The following PCNX1 variants were observed in gnomAD, a reference collection of about 807,000 sequenced individuals.
PCNX1 encodes the protein pecanex-like protein 1.
PCNX1 carries 78 observed loss-of-function variants against 242.2 expected under a neutral mutation model. That is an observed-to-expected ratio of 0.32 (90% confidence interval 0.27 to 0.39). The LOEUF (loss-of-function observed/expected upper bound fraction) is 0.39, where lower values mean the gene tolerates loss of function less well. Among genes scored for constraint, PCNX1 ranks in the 10% least tolerant of loss-of-function variants. The pLI is 1.00. For missense variants in PCNX1, 2,581 were observed against 2,856.5 expected, an observed-to-expected ratio of 0.90 and a Z score of 2.20; for synonymous variants, 1,024 against 1,032.9, an observed-to-expected ratio of 0.99 and a Z score of 0.17.
At chr14:70,949,283 A>ACACACGTGTATACACACACGTGCGTG (rs1566608605) in intron 2 of PCNX1, among the ~76,000 whole-genome samples, 9 of 28,506 alleles carry the variant, frequency 3.2e-4, no homozygotes, top group African/African-American at 8.9e-4. Flanking sequence ...ACACGTGTAT[A>ACACACGTGTATACACACACGTGCGTG]CACACACGTG....
chr14:70,996,436 G>A (rs906181338), intron 8 of PCNX1, among the ~76,000 whole-genome samples: 2 of 151,988 alleles, frequency 1.3e-5, no homozygotes, highest in African/African-American at 2.4e-5. Context: ...TCATGGCTCC[G>A]TACTAATGTC....
intron 30 of PCNX1, among the ~76,000 whole-genome samples, chr14:71,091,041 TTTATA>T (rs1294571576): frequency 1.3e-5 from 2 of 152,180 alleles, no homozygotes; most frequent in African/African-American, 4.8e-5. Context: ...ACTGACAACA[TTTATA>T]AACAGGGAGG....
intron 18 of PCNX1, among the ~76,000 whole-genome samples, chr14:71,034,280 A>C (rs904611419): frequency 1.3e-5 from 2 of 152,136 alleles, no homozygotes; most frequent in African/African-American, 4.8e-5. Context: ...GGTCAGGTGA[A>C]ATTAAGTCAT....
chr14:70,961,924 G>A (rs769777614), intron 2 of PCNX1, among the ~76,000 whole-genome samples: 5 of 152,132 alleles, frequency 3.3e-5, no homozygotes, highest in African/African-American at 9.7e-5. Flanking sequence ...GGCACGTATC[G>A]TAACATATTT....
chr14:71,085,987 A>C (rs893442280), intron 28 of PCNX1, among the ~76,000 whole-genome samples: 14 of 152,116 alleles, frequency 9.2e-5, no homozygotes, highest in Non-Finnish European at 1.8e-4. Flanking sequence ...CAGCTCCCTG[A>C]CGCCCTGTTC....
At chr14:71,080,937 G>A (rs2061838792) in intron 28 of PCNX1, among the ~76,000 whole-genome samples, 1 of 152,144 alleles carries the variant, frequency 6.6e-6, no homozygotes, top group Non-Finnish European at 1.5e-5. Context: ...GGGCATCCTT[G>A]TCTTGTGCCG....
At chr14:71,105,165 G>T (rs899381643) in intron 32 of PCNX1, 70 bp from the exon 33 acceptor site, 1 of 1,191,166 alleles carries the variant, frequency 8.4e-7, no homozygotes, top group East Asian at 2.4e-5. Flanking sequence ...AGAATAGCTG[G>T]AAAAAGAATA....
At chr14:70,955,951 T>C (rs930203552) in intron 2 of PCNX1, among the ~76,000 whole-genome samples, 1 of 152,148 alleles carries the variant, frequency 6.6e-6, no homozygotes, top group Non-Finnish European at 1.5e-5. Flanking sequence ...CATTGTTGTT[T>C]GTTGACCATT....
At chr14:70,958,274 T>A (rs2058066971) in intron 2 of PCNX1, among the ~76,000 whole-genome samples, 1 of 152,210 alleles carries the variant, frequency 6.6e-6, no homozygotes, top group African/African-American at 2.4e-5. Flanking sequence ...GCTACTGTAG[T>A]CAATGGCTTA....
chr14:71,057,769 G>A (rs376254840), intron 26 of PCNX1, 45 bp downstream of exon 26: 23 of 1,283,826 alleles, frequency 1.8e-5, no homozygotes, highest in Non-Finnish European at 2.4e-5. Flanking sequence ...TACTCCTGTG[G>A]CACCTTAGTT....
chr14:71,099,346 G>C (rs1269235419), intron 30 of PCNX1, among the ~76,000 whole-genome samples: 1 of 152,054 alleles, frequency 6.6e-6, no homozygotes, highest in African/African-American at 2.4e-5. Flanking sequence ...TTTTAGTAGA[G>C]ACGGGGTTTC....
At chr14:70,997,312 T>TA (rs2059382197) in intron 8 of PCNX1, among the ~76,000 whole-genome samples, 1 of 152,188 alleles carries the variant, frequency 6.6e-6, no homozygotes, top group African/African-American at 2.4e-5. Context: ...TCATTGGCTT[T>TA]ATAGTAGTAG....
At position 70,978,444 on chromosome 14, in the gene PCNX1, G is replaced by A. The variant is rs1177530996; in HGVS notation, c.2107G>A (p.Asp703Asn). Residue 703 changes from aspartate to asparagine, a missense_variant, in exon 6 of 36, where the codon GAC (aspartate) becomes AAC (asparagine). Asp to Asn is a conservative substitution (Grantham distance 23). Around this residue, in one of 9 missense-constraint regions of PCNX1, gnomAD observed 1,204 missense variants for 1,216.7 expected, o/e 0.99. Coordinates refer to ENST00000304743, the MANE Select transcript of PCNX1 (RefSeq NM_014982.3). ...CAGTGGCACAGTAGCATGTTTGAAT[G>A]ACTCAAACAGGTTAATGGCACCTGA... ...LDSGTVACLN[D>N]SNRLMAPESI... is the part of the protein sequence containing the mutation. The A allele has an allele frequency of 2.5e-6, 4 of 1,613,876 alleles. No individual in the cohort carries two copies. Among genetic ancestry groups the A allele is most frequent in the Non-Finnish European group, 3.4e-6 (4 of 1,179,744 alleles).
chr14:70,954,763 T>A (rs1159328654), intron 2 of PCNX1, among the ~76,000 whole-genome samples: 1 of 152,214 alleles, frequency 6.6e-6, no homozygotes, highest in Admixed American at 6.5e-5. Context: ...TTTTTTTCAC[T>A]GGCTATGATA....
In PCNX1 at chr14:70,977,368, A is replaced by G. The variant is rs2058717396; in HGVS notation, c.1031A>G (p.Asp344Gly). 1 of 1,614,020 alleles carries G rather than the reference A, an allele frequency of 6.2e-7. No homozygotes were observed. ...GLSGEFQLAG[D>G]LKINTSQPPT... ...TCTGGGGAATTTCAGCTTGCTGGTG[A>G]CTTGAAAATCAATACTTCTCAGCCA... The change falls in exon 6 of 36, where the codon GAC becomes GGC. Residue 344 changes from aspartate to glycine, a missense_variant. By Grantham distance (94) the Asp-to-Gly change is moderately conservative (BLOSUM62 -1). Transcript: ENST00000304743.
intron 1 of PCNX1, among the ~76,000 whole-genome samples, chr14:70,945,308 A>G (rs1008228806): frequency 3.9e-5 from 6 of 152,358 alleles, no homozygotes; most frequent in Non-Finnish European, 7.3e-5. Flanking sequence ...TCCAAATCTG[A>G]TATTTATGCA....
At chr14:71,072,180 G>A (rs1167711785) in intron 26 of PCNX1, among the ~76,000 whole-genome samples, 1 of 152,164 alleles carries the variant, frequency 6.6e-6, no homozygotes, top group Non-Finnish European at 1.5e-5. Context: ...GGTACCAATA[G>A]ATTTGCTTGA....
At chr14:71,012,168 G>A (rs1335753865) in intron 10 of PCNX1, 2 of 152,858 alleles carry the variant, frequency 1.3e-5, no homozygotes, top group Non-Finnish European at 2.9e-5. Flanking sequence ...AACAAACAGG[G>A]GTGAGGGATT....
chr14:71,098,555 A>T (rs202247349), intron 30 of PCNX1, among the ~76,000 whole-genome samples: 666 of 125,306 alleles, frequency 5.3e-3, no homozygotes, highest in Middle Eastern at 0.012. Context: ...TGTGTGTGTG[A>T]GAGAGAGAGA....
Sources: gnomAD v4.1 joint callset for allele counts (sites outside exome capture counted in the v4.1 genomes callset) on GRCh38, gnomAD v4.1.1 for gene constraint, gnomAD v4.1.1 regional missense constraint, MANE v1.5 for transcripts, NCBI Gene and HGNC (gene_info 2026-07-23, HGNC 2026-07-21) for gene names.